The following ELN variants were observed in gnomAD, a reference collection of about 807,000 sequenced individuals.
ELN encodes elastin.
In ELN, 65 loss-of-function variants were observed where a neutral mutation model predicts 105.8. The observed-to-expected ratio is 0.61, with a 90% CI of 0.50 to 0.75. ELN has a LOEUF of 0.75. Ranked by LOEUF, ELN falls within the 30% of genes least tolerant of loss-of-function variation. The pLI, the probability that ELN is intolerant of heterozygous loss-of-function variation, is 0.00. For synonymous variants in ELN, 368 were observed against 389.2 expected, an observed-to-expected ratio of 0.95 and a Z score of 0.64; for missense variants, 882 against 969.4, an observed-to-expected ratio of 0.91 and a Z score of 1.20.
intron 22 of ELN, 172 bp from the exon 23 acceptor site, chr7:74,059,714 T>G (rs549146593): frequency 1.4e-6 from 1 of 733,296 alleles, no homozygotes; most frequent in South Asian, 1.4e-5. Flanking sequence ...CTCCTGAGCC[T>G]GCACACACTT....
rs188350405 is a variant in ELN, at chr7:74,064,555, G to T, written c.1993+860G>T. 1.4e-4 allele frequency among the ~76,000 whole-genome samples: 21 copies of T among 152,084 alleles called. No individual in the cohort carries two copies. The East Asian group carries it at 4.1e-3, about 29-fold the overall frequency. ...CACTTGAACCCAGGAGGCAGAAGTTGCAGTGAGCCAAGATCACGCCGCTGC... is the reference window on the plus strand; with the variant it reads ...CACTTGAACCCAGGAGGCAGAAGTTTCAGTGAGCCAAGATCACGCCGCTGC... On this transcript the variant is annotated intron_variant, in intron 29 of 32. Transcript: ENST00000252034.
intron 32 of ELN, among the ~76,000 whole-genome samples, chr7:74,067,601 G>T (rs1216141435): frequency 6.6e-6 from 1 of 151,788 alleles, no homozygotes; most frequent in Non-Finnish European, 1.5e-5. Context: ...AGCCGGGCAT[G>T]GTGGCGGGCA....
intron 5 of ELN, 121 bp from the exon 6 acceptor site, chr7:74,042,493 G>A (rs2131429799): frequency 1.2e-6 from 1 of 802,024 alleles, no homozygotes; most frequent in East Asian, 2.4e-5. Flanking sequence ...ATTGATGTCT[G>A]GCAGAGAGCG....
chr7:74,060,525 A>G (rs1796408055), intron 25 of ELN, 24 bp downstream of exon 25: 1 of 1,614,058 alleles, frequency 6.2e-7, no homozygotes, highest in Non-Finnish European at 8.5e-7. Flanking sequence ...AGTTAGGCGG[A>G]GCCTGTCCCC....
At chr7:74,058,678 C>G (rs1427695178) in intron 22 of ELN, among the ~76,000 whole-genome samples, 1 of 152,156 alleles carries the variant, frequency 6.6e-6, no homozygotes, top group Non-Finnish European at 1.5e-5. Context: ...TGTTCCCCAT[C>G]TCTTGCTACA....
intron 19 of ELN, among the ~76,000 whole-genome samples, 179 bp from the exon 20 acceptor site, chr7:74,056,092 T>A (rs1554679394): frequency 6.8e-6 from 1 of 147,998 alleles, no homozygotes; most frequent in African/African-American, 2.4e-5. Flanking sequence ...CGGCCCCACA[T>A]TTTTTTTAAA....
At chr7:74,030,756 G>A (rs1788488834) in intron 1 of ELN, among the ~76,000 whole-genome samples, 2 of 151,876 alleles carry the variant, frequency 1.3e-5, no homozygotes, top group Non-Finnish European at 2.9e-5. Context: ...TTTCAACCTG[G>A]CTATCTATTA....
chr7:74,043,817 G>A, intron 8 of ELN, 62 bp from the exon 9 acceptor site: 1 of 1,601,318 alleles, frequency 6.2e-7, no homozygotes, highest in South Asian at 1.1e-5. Context: ...GGTGGGAAGG[G>A]CTGGGGAGGG....
chr7:74,069,416 C>A lies in ELN; in HGVS notation c.*716C>A, dbSNP rs1798630945. The A allele has an allele frequency of 4.2e-6, 1 of 235,848 alleles. No individual in the cohort carries two copies. Among genetic ancestry groups the A allele is most frequent in the Non-Finnish European group, 8.4e-6 (1 of 119,524 alleles). 14.6% of individuals were successfully genotyped at this position (235,848 alleles called of 1,614,324 possible). A position where few individuals can be genotyped will look rare whatever the true frequency, so the allele number is the denominator to read the frequency against. On this transcript the variant is annotated 3_prime_UTR_variant, in exon 33 of 33. Transcript: ENST00000252034. ...CGGCACCACTAGCTGGCTGGGTGCA[C>A]CCACCATCAACCTGGTTGACCTGTC...
intron 1 of ELN, among the ~76,000 whole-genome samples, chr7:74,032,695 G>T (rs749412249): frequency 1.2e-4 from 18 of 152,130 alleles, no homozygotes; most frequent in Admixed American, 2.6e-4. Context: ...TCTGGGGGAG[G>T]GGAAGCTAAG....
intron 12 of ELN, 116 bp downstream of exon 12, chr7:74,046,883 A>G: frequency 8.3e-7 from 1 of 1,204,014 alleles, no homozygotes; most frequent in South Asian, 1.3e-5. Context: ...CAGGAGTTCA[A>G]GACTAGCCTG....
At position 74,054,751 on chromosome 7, in the gene ELN, G is replaced by T; in HGVS notation, c.1132G>T (p.Ala378Ser). 5 of 1,614,166 alleles carry T rather than the reference G, an allele frequency of 3.1e-6. No individual in the cohort carries two copies. Among genetic ancestry groups the T allele is most frequent in the Non-Finnish European group, 4.2e-6 (5 of 1,180,030 alleles). The change falls in exon 19 of 33, where the codon GCA (alanine) becomes TCA (serine). Residue 378 changes from alanine (A) to serine (S), a missense_variant. Transcript: ENST00000252034. ...ACCAGAAGCAGCTGCTAAGGCAGCT[G>T]CAAAGGCAGCCAAATACGGTGAGTG... ...VSPEAAAKAAAKAAKYGARPG... is the reference protein window; with the variant it reads ...VSPEAAAKAASKAAKYGARPG...
At chr7:74,039,108 G>A (rs1328800916) in intron 4 of ELN, among the ~76,000 whole-genome samples, 1 of 152,190 alleles carries the variant, frequency 6.6e-6, no homozygotes, top group Non-Finnish European at 1.5e-5. Flanking sequence ...AAGCTGGAGG[G>A]TACATTCATT....
At chr7:74,033,743 T>TCTGGC (rs1377551703) in intron 1 of ELN, among the ~76,000 whole-genome samples, 5 of 152,146 alleles carry the variant, frequency 3.3e-5, no homozygotes, top group Non-Finnish European at 7.4e-5. Context: ...AGGCCAGACG[T>TCTGGC]CTGGCCGCGA....
Position 74,048,550 on chromosome 7 carries a change from A to G in ELN, c.793A>G (p.Lys265Glu), listed in dbSNP as rs1360411121. Residue 265 changes from lysine (K) to glutamate (E), a missense_variant, in exon 15 of 33, where the codon AAG (lysine) becomes GAG (glutamate). By Grantham distance (56) the Lys-to-Glu change is moderately conservative. Coordinates refer to ENST00000252034, the MANE Select transcript of ELN (RefSeq NM_000501.4). ...AGCAGCGGCAGCTAAAGCAGCAGCA[A>G]AGTTCGGTGAGTGCCCCTGGAGTCC... Reference protein sequence around the residue: ...AAAAAAKAAAKFGAGAAGVLP... With the variant: ...AAAAAAKAAAEFGAGAAGVLP... The G allele has an allele frequency of 6.2e-7, 1 of 1,613,952 alleles. No individual in the cohort carries two copies. Among genetic ancestry groups the G allele is most frequent in the African/African-American group, 1.3e-5 (1 of 74,978 alleles).
At position 74,063,683 on chromosome 7, in the gene ELN, G is replaced by A; in HGVS notation, c.1981G>A (p.Gly661Arg). ...GVGGLGVPGVGGLGGIPPAAA... is the reference protein window; with the variant it reads ...GVGGLGVPGVRGLGGIPPAAA... ...CGGAGGGCTTGGAGTTCCAGGTGTT[G>A]GGGGCCTTGGAGGTGAGAGTTGTTC... The change falls in exon 29 of 33, where the codon GGG becomes AGG. Residue 661 changes from glycine to arginine, a missense_variant. By Grantham distance (125) the Gly-to-Arg change is moderately radical (BLOSUM62 -2). Transcript: ENST00000252034. The surrounding 1 kb of genome is among the most constrained non-coding windows in gnomAD (Gnocchi z 4.1). 1.2e-6 allele frequency: 2 copies of A among 1,614,190 alleles called. No individual in the cohort carries two copies. The highest frequency in any genetic ancestry group is 1.1e-5 in the South Asian group (1 of 91,092).
chr7:74,041,992 G>A (rs894805171), intron 5 of ELN, among the ~76,000 whole-genome samples: 7 of 150,828 alleles, frequency 4.6e-5, no homozygotes, highest in African/African-American at 1.7e-4. Context: ...CACTCACCTC[G>A]GCCTCCCAAA....
Position 74,054,705 on chromosome 7 carries a change from G to A in ELN, c.1097-11G>A. On this transcript the variant is annotated splice_polypyrimidine_tract_variant and intron_variant, in intron 18 of 32. Coordinates refer to ENST00000252034, the MANE Select transcript of ELN (RefSeq NM_000501.4). ...TCTCCTGAGCATTTGTGTCCCTTTTGGTCTCTCCAGGGGTTGTGTCACCAG... is the reference window on the plus strand; with the variant it reads ...TCTCCTGAGCATTTGTGTCCCTTTTAGTCTCTCCAGGGGTTGTGTCACCAG... 5 of 1,614,024 alleles carry A rather than the reference G, an allele frequency of 3.1e-6. No individual in the cohort carries two copies. The highest frequency in any genetic ancestry group is 4.2e-6 in the Non-Finnish European group (5 of 1,179,942).
At chr7:74,046,987 G>T (rs1313501050) in intron 12 of ELN, among the ~76,000 whole-genome samples, 3 of 152,186 alleles carry the variant, frequency 2.0e-5, no homozygotes, top group Non-Finnish European at 4.4e-5. Flanking sequence ...GGGAGGCTGA[G>T]GCAGGAGAAT....
Sources: gnomAD v4.1 joint callset for allele counts (sites outside exome capture counted in the v4.1 genomes callset) on GRCh38, gnomAD v4.1.1 for gene constraint, Gnocchi (gnomAD v3.1) non-coding constraint, MANE v1.5 for transcripts, NCBI Gene and HGNC (gene_info 2026-07-23, HGNC 2026-07-21) for gene names.